The following USP42 variants were observed in gnomAD, a reference collection of about 807,000 sequenced individuals.
USP42 encodes the protein ubiquitin specific peptidase 42, also known as ubiquitin carboxyl-terminal hydrolase 42.
In USP42, 23 loss-of-function variants were observed where a neutral mutation model predicts 113.0. The ratio of observed to expected loss-of-function variants is 0.20; its 90% CI spans 0.15 to 0.29. The LOEUF (loss-of-function observed/expected upper bound fraction) is 0.29, where lower values mean the gene tolerates loss of function less well. Among genes scored for constraint, USP42 ranks in the 10% least tolerant of loss-of-function variants. The pLI is 1.00. For synonymous variants in USP42, 933 were observed against 699.0 expected, an observed-to-expected ratio of 1.33 and a Z score of -5.28; for missense variants, 2,174 against 1,779.8, an observed-to-expected ratio of 1.22 and a Z score of -3.99.
At chr7:6,119,959 T>TTTTTTG (rs1379768748) in intron 3 of USP42, among the ~76,000 whole-genome samples, 2 of 151,954 alleles carry the variant, frequency 1.3e-5, no homozygotes, top group Non-Finnish European at 2.9e-5. Flanking sequence ...GCCTCAGCCT[T>TTTTTTG]TTTTTGTTTT....
At chr7:6,117,436 C>T (rs1006444433) in intron 3 of USP42, among the ~76,000 whole-genome samples, 6 of 152,156 alleles carry the variant, frequency 3.9e-5, no homozygotes, top group African/African-American at 1.2e-4. Context: ...TTTGTTTCTC[C>T]ATTTGTCTAT....
rs1246375607 is a variant in USP42, at chr7:6,158,544, A to T, written c.3944-906A>T. Among the ~76,000 whole-genome samples the T allele has an allele frequency of 1.3e-5, 2 of 151,998 alleles. No homozygotes were observed. The highest frequency in any genetic ancestry group is 1.9e-4 in the East Asian group (1 of 5,162). ...TGATTGAGGGGTAAACGGTCCTTAGAGTGTGTGAGAGAGAGCTGGGGGTTG... is the reference window on the plus strand; with the variant it reads ...TGATTGAGGGGTAAACGGTCCTTAGTGTGTGTGAGAGAGAGCTGGGGGTTG... On this transcript the variant is annotated intron_variant, in intron 16 of 17. Transcript: ENST00000306177. This position sits in a 1 kb window ranked among gnomAD's most constrained non-coding sequence, Gnocchi z 4.2.
At chr7:6,104,557 C>T (rs1256643783), upstream of USP42, among the ~76,000 whole-genome samples, 2 of 152,254 alleles carry the variant, frequency 1.3e-5, no homozygotes, top group Non-Finnish European at 2.9e-5. Flanking sequence ...TCTGGAAACG[C>T]ATCTGGGGTC....
At chr7:6,142,910 T>C (rs377244559) in intron 7 of USP42, 22 bp from the exon 8 acceptor site, 2 of 1,613,034 alleles carry the variant, frequency 1.2e-6, no homozygotes, top group African/African-American at 2.7e-5. Context: ...TGATGTGGTG[T>C]TTGTGCCTCT....
chr7:6,138,838 C>T (rs1781296998), intron 4 of USP42, among the ~76,000 whole-genome samples: 2 of 152,088 alleles, frequency 1.3e-5, no homozygotes, highest in African/African-American at 4.8e-5. Flanking sequence ...TCATCCCAAC[C>T]CCCTCTTCTG....
chr7:6,095,043 C>T, the USP42 span, among the ~76,000 whole-genome samples: 2 of 151,400 alleles, frequency 1.3e-5, no homozygotes, highest in Non-Finnish European at 2.9e-5. Context: ...CCGTCTGGGC[C>T]TCCCAAAGTG....
chr7:6,083,215 G>A, the USP42 span, among the ~76,000 whole-genome samples: 12 of 143,568 alleles, frequency 8.4e-5, no homozygotes, highest in South Asian at 2.2e-4. Flanking sequence ...GTGAGCCACC[G>A]CACCCAGCTT....
chr7:6,090,442 C>T, the USP42 span, among the ~76,000 whole-genome samples: 131 of 144,220 alleles, frequency 9.1e-4, 5 homozygotes, highest in African/African-American at 3.3e-3. Context: ...ATGCCAGGCA[C>T]AGTGGCTCAC....
upstream of USP42, among the ~76,000 whole-genome samples, chr7:6,102,177 G>A (rs1790146864): frequency 7.1e-6 from 1 of 141,550 alleles, no homozygotes; most frequent in Non-Finnish European, 1.5e-5. Flanking sequence ...GTGCAGTGTC[G>A]CGATCTCGGC....
intron 3 of USP42, among the ~76,000 whole-genome samples, chr7:6,120,635 G>T (rs190683511): frequency 1.3e-5 from 2 of 152,364 alleles, no homozygotes; most frequent in Admixed American, 1.3e-4. Flanking sequence ...CCAGGCTGGA[G>T]TGCAGTGGCA....
At position 6,150,134 on chromosome 7, in the gene USP42, C is replaced by T. The variant is rs555442048; in HGVS notation, c.1938C>T (p.Ala646=). 24 of 1,613,312 alleles carry T rather than the reference C, an allele frequency of 1.5e-5. No individual in the cohort carries two copies. The East Asian group carries it at 4.5e-4, about 30-fold the overall frequency. ...GCCAAGATGCCGAAGATGAGGAGGCCACTCCGCACGAGCTTCAAGAACCCA... is the reference window on the plus strand; with the variant it reads ...GCCAAGATGCCGAAGATGAGGAGGCTACTCCGCACGAGCTTCAAGAACCCA... The part of the protein sequence containing the change: ...SPGQDAEDEE[A]TPHELQEPMT... Residue 646 remains alanine (A), a synonymous_variant, in exon 13 of 18, where the codon GCC becomes GCT. Transcript: ENST00000306177.
In USP42 at chr7:6,150,098, C is replaced by T. The variant is rs761713222; in HGVS notation, c.1902C>T (p.Ser634=). The change falls in exon 13 of 18, where the codon TCC becomes TCT. Residue 634 remains serine (S), a synonymous_variant. Transcript: ENST00000306177. ...ATGGGATTGGTACGATTGTGAGCTC[C>T]CACTCTCCCGGCCAAGATGCCGAAG... The part of the protein sequence containing the change: ...KENGIGTIVS[S]HSPGQDAEDE... The T allele has an allele frequency of 1.2e-5, 19 of 1,611,046 alleles. No homozygotes were observed. The highest frequency in any genetic ancestry group is 3.4e-6 in the Non-Finnish European group (4 of 1,178,646).
At chr7:6,097,483 C>T in the USP42 span, among the ~76,000 whole-genome samples, 250 of 149,648 alleles carry the variant, frequency 1.7e-3, 2 homozygotes, top group Non-Finnish European at 2.5e-3. Flanking sequence ...CATAGCTCAC[C>T]GCAGCCTCCA....
At chr7:6,087,591 C>T in the USP42 span, among the ~76,000 whole-genome samples, 1 of 150,862 alleles carries the variant, frequency 6.6e-6, no homozygotes, top group African/African-American at 2.5e-5. Context: ...CCCGCTTCGG[C>T]CTCCCAAAGT....
chr7:6,157,665 G>A lies in USP42; in HGVS notation c.3943+610G>A, dbSNP rs923964267. On this transcript the variant is annotated intron_variant, in intron 16 of 17. Transcript: ENST00000306177. This position sits in a 1 kb window ranked among gnomAD's most constrained non-coding sequence, Gnocchi z 4.1. ...TTTTTGATAGAAATACTTTTGCAGCGTATACGTTACTCTCCCGAATCCTTA... is the reference window on the plus strand; with the variant it reads ...TTTTTGATAGAAATACTTTTGCAGCATATACGTTACTCTCCCGAATCCTTA... Among the ~76,000 whole-genome samples the A allele has an allele frequency of 3.9e-5, 6 of 152,200 alleles. No homozygotes were observed. Among genetic ancestry groups the A allele is most frequent in the Non-Finnish European group, 5.9e-5 (4 of 68,036 alleles).
chr7:6,159,059 C>G lies in USP42; in HGVS notation c.3944-391C>G, dbSNP rs1258065923. ...GCCTTTCTTGTCCTTCTGAGAAGGC[C>G]GCTGCCCGGCCCCGCCTCACCCAGC... On this transcript the variant is annotated intron_variant, in intron 16 of 17. Coordinates refer to ENST00000306177, the MANE Select transcript of USP42 (RefSeq NM_032172.3). This position sits in a 1 kb window ranked among gnomAD's most constrained non-coding sequence, Gnocchi z 4.1. Among the ~76,000 whole-genome samples, 1 of 152,148 alleles carries G rather than the reference C, an allele frequency of 6.6e-6. No individual in the cohort carries two copies. The highest frequency in any genetic ancestry group is 1.5e-5 in the Non-Finnish European group (1 of 68,026).
chr7:6,092,017 C>CTT, the USP42 span, among the ~76,000 whole-genome samples: 1 of 104,636 alleles, frequency 9.6e-6, no homozygotes, highest in African/African-American at 3.8e-5. Context: ...TCTTCTTCTT[C>CTT]TTCTTCTTCT....
chr7:6,145,381 GT>G, intron 9 of USP42, 134 bp from the exon 10 acceptor site: 1 of 1,051,818 alleles, frequency 9.5e-7, no homozygotes, highest in African/African-American at 1.6e-5. Flanking sequence ...AATGCATTAG[GT>G]TTTTGCTAGA....
chr7:6,135,623 G>A (rs1280191232), intron 3 of USP42, among the ~76,000 whole-genome samples: 3 of 121,758 alleles, frequency 2.5e-5, no homozygotes, highest in Non-Finnish European at 4.7e-5. Flanking sequence ...CTGCACTCCA[G>A]CCTGGGTGAC....
Sources: gnomAD v4.1 joint callset for allele counts (sites outside exome capture counted in the v4.1 genomes callset) on GRCh38, gnomAD v4.1.1 for gene constraint, Gnocchi (gnomAD v3.1) non-coding constraint, MANE v1.5 for transcripts, NCBI Gene and HGNC (gene_info 2026-07-23, HGNC 2026-07-21) for gene names.